KLK9: variants seen among roughly 807,000 people sequenced by gnomAD.
The protein encoded by KLK9 is kallikrein related peptidase 9, also known as kallikrein-9.
KLK9 carries 26 observed loss-of-function variants against 23.3 expected under a neutral mutation model. The ratio of observed to expected loss-of-function variants is 1.12; its 90% CI spans 0.82 to 1.55. The LOEUF is 1.55. Ranked by LOEUF, KLK9 falls within the 40% of genes most tolerant of loss-of-function variation. KLK9 has a pLI of 0.00. For synonymous variants in KLK9, 122 were observed against 128.5 expected, an observed-to-expected ratio of 0.95 and a Z score of 0.34; for missense variants, 346 against 333.7, an observed-to-expected ratio of 1.04 and a Z score of -0.29.
rs367832421 is a variant in KLK9 at position 51,009,209 on chromosome 19, C to T, written c.174G>A (p.Leu58=). 2.9e-5 allele frequency: 46 copies of T among 1,608,990 alleles called. No homozygotes were observed. In the African/African-American group the frequency reaches 5.3e-4, roughly 19 times the overall value. Residue 58 remains leucine, a synonymous_variant, in exon 2 of 5, where the codon CTG becomes CTA. Transcript: ENST00000594211. The surrounding 1 kb of genome is among the most constrained non-coding windows in gnomAD (Gnocchi z 4.8). The part of the protein sequence containing the change: ...CGATLISDRW[L]LTAAHCRKPY... ...GCTTGCGGCAGTGGGCAGCTGTGAGCAGCCAGCGGTCACTGATGAGGGTCG... is the reference window on the plus strand; with the variant it reads ...GCTTGCGGCAGTGGGCAGCTGTGAGTAGCCAGCGGTCACTGATGAGGGTCG...
intron 3 of KLK9, among the ~76,000 whole-genome samples, chr19:51,004,738 G>C (rs1393500915): frequency 6.6e-6 from 1 of 151,240 alleles, no homozygotes; most frequent in Non-Finnish European, 1.5e-5. Flanking sequence ...AAAAGACCCA[G>C]ACCTCAAGGG....
rs1224508724 is a variant in KLK9, at chr19:51,003,098, G to T, written c.*13C>A. Reference sequence around the variant, plus strand: ...TCTCTTGGTCTTCCAAGGTGCCCCCGTGGCGCGCGGGCTCAGTTCTCCATG... The same window carrying T: ...TCTCTTGGTCTTCCAAGGTGCCCCCTTGGCGCGCGGGCTCAGTTCTCCATG... On this transcript the variant is annotated 3_prime_UTR_variant, in exon 5 of 5. Coordinates refer to ENST00000594211, the MANE Select transcript of KLK9 (RefSeq NM_012315.2). 10 of 1,599,764 alleles carry T rather than the reference G, an allele frequency of 6.3e-6. No individual in the cohort carries two copies. The South Asian group carries it at 1.1e-4, about 18-fold the overall frequency.
intron 2 of KLK9, among the ~76,000 whole-genome samples, chr19:51,007,103 GC>G (rs984877330): frequency 1.3e-5 from 2 of 151,822 alleles, no homozygotes; most frequent in African/African-American, 4.8e-5. Flanking sequence ...CCCCACCCCT[GC>G]CCCCACAGGT....
At chr19:51,004,212 C>T (rs992049281) in intron 3 of KLK9, among the ~76,000 whole-genome samples, 1 of 150,882 alleles carries the variant, frequency 6.6e-6, no homozygotes, top group African/African-American at 2.4e-5. Flanking sequence ...TGGTGGCAGG[C>T]GCCTGTAATC....
chr19:51,003,040 C>G lies in KLK9; in HGVS notation c.*71G>C. The G allele has an allele frequency of 1.9e-5, 29 of 1,522,720 alleles. No homozygotes were observed. Among genetic ancestry groups the G allele is most frequent in the Non-Finnish European group, 2.5e-5 (28 of 1,131,014 alleles). The allele number at this position is 1,522,720 out of a possible 1,614,324, so 94.3% of individuals were successfully genotyped here. A position where few individuals can be genotyped will look rare whatever the true frequency, so the allele number is the denominator to read the frequency against. ...GGCGGGAACCATTGAGGCTGGGACCCTACGAGAACCCCCTACCCCGTGCCC... is the reference window on the plus strand; with the variant it reads ...GGCGGGAACCATTGAGGCTGGGACCGTACGAGAACCCCCTACCCCGTGCCC... On this transcript the variant is annotated 3_prime_UTR_variant, in exon 5 of 5. Transcript: ENST00000594211.
At chr19:51,008,337 CAAAAA>C (rs34275672) in intron 2 of KLK9, among the ~76,000 whole-genome samples, 10 of 71,708 alleles carry the variant, frequency 1.4e-4, no homozygotes, top group African/African-American at 4.3e-4. Context: ...GACTCTGTCT[CAAAAA>C]AAAAAAAAAA....
At chr19:51,007,253 A>G (rs544517452) in intron 2 of KLK9, among the ~76,000 whole-genome samples, 1 of 151,926 alleles carries the variant, frequency 6.6e-6, no homozygotes, top group South Asian at 2.1e-4. Flanking sequence ...TGTCTATCAT[A>G]TCCTTCACCC....
rs201034459 is a variant in KLK9, at chr19:51,009,582, C to T, written c.-35G>A. 1.4e-5 allele frequency: 23 copies of T among 1,602,420 alleles called. No homozygotes were observed. Among genetic ancestry groups the T allele is most frequent in the East Asian group, 4.5e-5 (2 of 44,692 alleles). On this transcript the variant is annotated 5_prime_UTR_variant, in exon 1 of 5. Transcript: ENST00000594211. The surrounding 1 kb of genome is among the most constrained non-coding windows in gnomAD (Gnocchi z 4.8). ...GCACCTGGATCCTGGAACGTGCACC[C>T]GGCGTCCAGTGCTTCTTTATGGTAA...
rs1368879303 is a variant in KLK9 at position 51,003,191 on chromosome 19, A to G, written c.673T>C (p.Cys225Arg). Residue 225 changes from cysteine to arginine, a missense_variant, in exon 5 of 5, where the codon TGC (cysteine) becomes CGC (arginine). Physicochemically the swap from Cys to Arg is radical, Grantham distance 180 (BLOSUM62 -3). Transcript: ENST00000594211. ...ACTGCGGGGCGCCGGGGTCTGGAGC[A>G]GGGCTCAGCACCCCCAGACACCACG... ...AGVVSGGAEP[C>R]SRPRRPAVYT... 1 of 1,612,398 alleles carries G rather than the reference A, an allele frequency of 6.2e-7. No individual in the cohort carries two copies. The highest frequency in any genetic ancestry group is 1.7e-5 in the Admixed American group (1 of 59,884).
intron 3 of KLK9, among the ~76,000 whole-genome samples, chr19:51,005,324 C>A (rs553268643): frequency 6.6e-6 from 1 of 152,176 alleles, no homozygotes; most frequent in Non-Finnish European, 1.5e-5. Context: ...AATCTCAGCA[C>A]TTTGGGAGGC....
chr19:51,009,370 G>A lies in KLK9; in HGVS notation c.44-31C>T. 6.4e-7 allele frequency: 1 copy of A among 1,555,782 alleles called. No homozygotes were observed. The highest frequency in any genetic ancestry group is 8.7e-7 in the Non-Finnish European group (1 of 1,149,318). ...GTGGGGATGAGGGACAAAGGGGTCA[G>A]CGAAGAGCAGGCTGGGAGGGCAGGG... is the stretch of plus-strand genomic sequence containing the variant. On this transcript the variant is annotated intron_variant, in intron 1 of 4. Transcript: ENST00000594211. This position sits in a 1 kb window ranked among gnomAD's most constrained non-coding sequence, Gnocchi z 4.8.
rs558960810 is a variant in KLK9 at position 51,002,773 on chromosome 19, G to A, written c.*338C>T. Reference sequence around the variant, plus strand: ...GAGTCCCGAGGGGAAGTCCCACTGGGCAAAGTTCCGAGGGGCGGAGCTATT... The same window carrying A: ...GAGTCCCGAGGGGAAGTCCCACTGGACAAAGTTCCGAGGGGCGGAGCTATT... On this transcript the variant is annotated 3_prime_UTR_variant, in exon 5 of 5. Coordinates refer to ENST00000594211, the MANE Select transcript of KLK9 (RefSeq NM_012315.2). 32 of 220,346 alleles carry A rather than the reference G, an allele frequency of 1.5e-4. No homozygotes were observed. Among genetic ancestry groups the A allele is most frequent in the African/African-American group, 7.0e-4 (31 of 44,178 alleles). The allele number at this position is 220,346 out of a possible 1,614,324, so 13.6% of individuals were successfully genotyped here.
chr19:51,003,176 G>C lies in KLK9; in HGVS notation c.688C>G (p.Arg230Gly), dbSNP rs775609805. ...GGAEPCSRPR[R>G]PAVYTSVCHY... ...CATACGCTGGTGTAGACTGCGGGGC[G>C]CCGGGGTCTGGAGCAGGGCTCAGCA... Residue 230 changes from arginine (R) to glycine (G), a missense_variant, in exon 5 of 5, where the codon CGC (arginine) becomes GGC (glycine). Coordinates refer to ENST00000594211, the MANE Select transcript of KLK9 (RefSeq NM_012315.2). 1 of 1,590,576 alleles carries C rather than the reference G, an allele frequency of 6.3e-7. No individual in the cohort carries two copies. The highest frequency in any genetic ancestry group is 8.6e-7 in the Non-Finnish European group (1 of 1,168,516).
rs1258994942 is a variant in KLK9 at position 51,009,266 on chromosome 19, G to T, written c.117C>A (p.Gly39=). 1 of 1,607,472 alleles carries T rather than the reference G, an allele frequency of 6.2e-7. No individual in the cohort carries two copies. ...CRPNSQPWQA[G]LFHLTRLFCG... is the part of the protein sequence containing the mutation. ...AGAAGAGCCGAGTAAGGTGGAAGAG[G>T]CCGGCCTGCCAAGGCTGGGAGTTGG... Residue 39 remains glycine, a synonymous_variant, in exon 2 of 5, where the codon GGC becomes GGA. Transcript: ENST00000594211. This position sits in a 1 kb window ranked among gnomAD's most constrained non-coding sequence, Gnocchi z 4.8.
Position 51,006,669 on chromosome 19 carries a change from C to T in KLK9, c.255G>A (p.Glu85=), listed in dbSNP as rs754895604. The change falls in exon 3 of 5, where the codon GAG becomes GAA. Residue 85 remains glutamate, a synonymous_variant. Coordinates refer to ENST00000594211, the MANE Select transcript of KLK9 (RefSeq NM_012315.2). The surrounding 1 kb of genome is among the most constrained non-coding windows in gnomAD (Gnocchi z 4.1). ...EHHLWKWEGP[E]QLFRVTDFFP... ...AGAAGTCCGTAACCCGGAACAGCTGCTCCGGACCCTCCCATTTCCAGAGGT... is the reference window on the plus strand; with the variant it reads ...AGAAGTCCGTAACCCGGAACAGCTGTTCCGGACCCTCCCATTTCCAGAGGT... 7 of 1,609,978 alleles carry T rather than the reference C, an allele frequency of 4.3e-6. No homozygotes were observed. The highest frequency in any genetic ancestry group is 5.1e-6 in the Non-Finnish European group (6 of 1,177,718).
chr19:51,004,338 C>CA lies in KLK9; in HGVS notation c.467-499dup, dbSNP rs71333922. Among the ~76,000 whole-genome samples the CA allele has an allele frequency of 3.0e-3, 98 of 32,560 alleles. 23 individuals are homozygous for CA. The highest frequency in any genetic ancestry group is 4.3e-3 in the Non-Finnish European group (77 of 17,920). The allele number at this position is 32,560 out of a possible 152,430, so 21.4% of individuals were successfully genotyped here. A position where few individuals can be genotyped will look rare whatever the true frequency, so the allele number is the denominator to read the frequency against. On this transcript the variant is annotated intron_variant, in intron 3 of 4. Transcript: ENST00000594211. ...TGGGAGACAGAGCAAGACTCCGTCT[C>CA]AAAAAAAAAAAAAAAAAAAAAAAAA...
rs1434840567 is a variant in KLK9 at position 51,006,893 on chromosome 19, C to T, written c.201-170G>A. On this transcript the variant is annotated intron_variant, in intron 2 of 4. Transcript: ENST00000594211. The surrounding 1 kb of genome is among the most constrained non-coding windows in gnomAD (Gnocchi z 4.1). The stretch of plus-strand genomic sequence containing the variant: ...CAGGGTACTGTGATTTTAAGCGAGG[C>T]ACACACCTCCTCTGGGTCCCTGGTC... 6.6e-6 allele frequency among the ~76,000 whole-genome samples: 1 copy of T among 151,892 alleles called. No homozygotes were observed. The highest frequency in any genetic ancestry group is 1.9e-4 in the East Asian group (1 of 5,190).
chr19:51,005,243 T>G (rs566741046), intron 3 of KLK9, among the ~76,000 whole-genome samples: 2 of 152,338 alleles, frequency 1.3e-5, no homozygotes, highest in African/African-American at 4.8e-5. Flanking sequence ...GACATGGTCT[T>G]ATTCCCATTC....
Position 51,003,253 on chromosome 19 carries a change from G to C in KLK9, c.611C>G (p.Ser204Cys). The C allele has an allele frequency of 2.5e-6, 4 of 1,612,286 alleles. No homozygotes were observed. The highest frequency in any genetic ancestry group is 2.5e-6 in the Non-Finnish European group (3 of 1,179,424). The change falls in exon 5 of 5, where the codon TCT becomes TGT. Residue 204 changes from serine to cysteine, a missense_variant. Physicochemically the swap from Ser to Cys is moderately radical, Grantham distance 112. Coordinates refer to ENST00000594211, the MANE Select transcript of KLK9 (RefSeq NM_012315.2). The part of the protein sequence containing the change: ...EGGRGSCQGD[S>C]GGPLVCNGTL... ...TCCATTGCAAACCAGGGGGCCCCCA[G>C]AGTCACCCTGTACGCGAGAGAAGGG...
Sources: gnomAD v4.1 joint callset for allele counts (sites outside exome capture counted in the v4.1 genomes callset) on GRCh38, gnomAD v4.1.1 for gene constraint, Gnocchi (gnomAD v3.1) non-coding constraint, MANE v1.5 for transcripts, NCBI Gene and HGNC (gene_info 2026-07-23, HGNC 2026-07-21) for gene names.